The following IDO2 variants were observed in gnomAD, a reference collection of about 807,000 sequenced individuals.
IDO2 encodes the protein indoleamine 2,3-dioxygenase 2, also known as indoleamine 2,3-dioxygenase-like 1 protein.
IDO2 carries 46 observed loss-of-function variants against 45.1 expected under a neutral mutation model. The ratio of observed to expected loss-of-function variants is 1.02; its 90% CI spans 0.80 to 1.30. The LOEUF is 1.30. IDO2 is among the 50% of genes most tolerant of loss of function. The pLI is 0.00. For synonymous variants in IDO2, 218 were observed against 184.9 expected (o/e 1.18, Z -1.45); for missense variants, 544 against 491.8 (o/e 1.11, Z -1.00).
intron 2 of IDO2, among the ~76,000 whole-genome samples, chr8:39,958,966 T>C (rs1394233930): frequency 1.3e-5 from 2 of 152,234 alleles, no homozygotes; most frequent in Non-Finnish European, 2.9e-5. Flanking sequence ...GTGTGTCTTT[T>C]CAATATCATC....
intron 1 of IDO2, among the ~76,000 whole-genome samples, chr8:39,946,131 G>A (rs1160957703): frequency 2.6e-5 from 4 of 152,148 alleles, no homozygotes; most frequent in Non-Finnish European, 5.9e-5. Context: ...GAGATATTTT[G>A]CAGACCCTGT....
chr8:39,995,294 T>TCTTC (rs1802025272), intron 8 of IDO2: 2 of 87,482 alleles, frequency 2.3e-5, no homozygotes, highest in Non-Finnish European at 5.1e-5. Flanking sequence ...TCTTCTTTTT[T>TCTTC]TTTTGAGATG....
chr8:39,989,846 G>A lies in IDO2; in HGVS notation c.667+8G>A, dbSNP rs1413343512. 6.4e-7 allele frequency: 1 copy of A among 1,556,548 alleles called. No individual in the cohort carries two copies. The highest frequency in any genetic ancestry group is 2.3e-5 in the East Asian group (1 of 42,608). On this transcript the variant is annotated splice_region_variant and intron_variant, in intron 8 of 10. Coordinates refer to ENST00000502986, the Ensembl canonical transcript of IDO2. The stretch of plus-strand genomic sequence containing the variant: ...CCTTAGGACAGATGCATGGTAAGAT[G>A]CTTCCGAAGCTCCTGAAGGATCCCC...
chr8:40,003,821 T>C (rs1802175988), intron 8 of IDO2, among the ~76,000 whole-genome samples: 1 of 152,196 alleles, frequency 6.6e-6, no homozygotes, highest in African/African-American at 2.4e-5. Context: ...TGAAAAAAGA[T>C]TGCTTTTACT....
chr8:39,989,643 C>G (rs941626358), intron 7 of IDO2, 78 bp from the exon 8 acceptor site: 4 of 1,005,772 alleles, frequency 4.0e-6, no homozygotes, highest in Non-Finnish European at 5.9e-6. Context: ...CCCTGGGTTC[C>G]AACAGTATGA....
chr8:39,972,933 T>C (rs1429007814), intron 3 of IDO2, among the ~76,000 whole-genome samples: 1 of 152,216 alleles, frequency 6.6e-6, no homozygotes, highest in Non-Finnish European at 1.5e-5. Context: ...CTAGACATAA[T>C]GCTATTGCAC....
chr8:39,978,520 G>A (rs1206097408), intron 3 of IDO2, among the ~76,000 whole-genome samples: 2 of 152,034 alleles, frequency 1.3e-5, no homozygotes, highest in African/African-American at 4.8e-5. Context: ...CCCCATTATG[G>A]CAACAGGGCT....
intron 9 of IDO2, among the ~76,000 whole-genome samples, chr8:40,008,421 C>T (rs369681434): frequency 1.3e-5 from 2 of 152,270 alleles, no homozygotes; most frequent in South Asian, 2.1e-4. Flanking sequence ...AGAGAAAACT[C>T]TCTGATTTTA....
chr8:40,002,963 G>C (rs1442641241), intron 8 of IDO2, among the ~76,000 whole-genome samples: 1 of 151,870 alleles, frequency 6.6e-6, no homozygotes, highest in African/African-American at 2.4e-5. Flanking sequence ...AAAATTCCTG[G>C]GTAAACCACC....
At chr8:39,936,487 A>C (rs1262436050) in intron 1 of IDO2, among the ~76,000 whole-genome samples, 1 of 152,202 alleles carries the variant, frequency 6.6e-6, no homozygotes, top group Non-Finnish European at 1.5e-5. Context: ...AGTTTCTCAG[A>C]AAAAGAAAAA....
chr8:39,940,522 G>A (rs10958574), intron 1 of IDO2, among the ~76,000 whole-genome samples: 64,053 of 152,044 alleles, frequency 0.42, 13,681 homozygotes, highest in East Asian at 0.57. Flanking sequence ...CAATTCTGAA[G>A]AAATGTTCAT....
chr8:39,996,704 C>T (rs1193902217), intron 8 of IDO2, among the ~76,000 whole-genome samples: 2 of 152,068 alleles, frequency 1.3e-5, no homozygotes, highest in East Asian at 1.9e-4. Flanking sequence ...CATGAGCCAC[C>T]GCATCCAGCC....
At chr8:39,955,251 CTTTTTT>C (rs34726763) in intron 2 of IDO2, among the ~76,000 whole-genome samples, 1 of 97,016 alleles carries the variant, frequency 1.0e-5, no homozygotes. Context: ...TAATATTTGC[CTTTTTT>C]TTTTTTTTTT....
chr8:39,949,162 A>C, exon 2 of IDO2: 4 of 1,605,044 alleles, frequency 2.5e-6, no homozygotes, highest in Non-Finnish European at 3.4e-6. Flanking sequence ...CTTCAAACAA[A>C]ATAATGGAGC....
intron 1 of IDO2, among the ~76,000 whole-genome samples, chr8:39,942,607 TCCAGCCTG>T (rs1807660689): frequency 6.7e-6 from 1 of 149,716 alleles, no homozygotes; most frequent in African/African-American, 2.5e-5. Context: ...GCCACGGCAC[TCCAGCCTG>T]GGTGACAGAA....
At chr8:39,983,928 C>G (rs549640697) in intron 5 of IDO2, among the ~76,000 whole-genome samples, 17 of 152,158 alleles carry the variant, frequency 1.1e-4, no homozygotes, top group African/African-American at 3.9e-4. Context: ...CTCGGGAGCT[C>G]TGAGCCCTGG....
chr8:39,937,796 C>T (rs1226647536), intron 1 of IDO2, among the ~76,000 whole-genome samples: 55 of 152,138 alleles, frequency 3.6e-4, no homozygotes, highest in Admixed American at 3.6e-3. Flanking sequence ...GTTGGGATTA[C>T]AGGTGTGAGC....
intron 8 of IDO2, among the ~76,000 whole-genome samples, chr8:39,996,897 A>G (rs1281822735): frequency 3.9e-5 from 6 of 152,378 alleles, no homozygotes; most frequent in African/African-American, 1.4e-4. Flanking sequence ...TCCAATAACT[A>G]AAACTACATT....
exon 11 of IDO2, chr8:40,015,657 G>A: frequency 7.6e-7 from 1 of 1,317,192 alleles, no homozygotes; most frequent in Non-Finnish European, 1.1e-6. Flanking sequence ...GGTGGGCCTG[G>A]AGAATGAGGG....
Sources: gnomAD v4.1 joint callset for allele counts (sites outside exome capture counted in the v4.1 genomes callset) on GRCh38, gnomAD v4.1.1 for gene constraint, MANE v1.5 for transcripts, NCBI Gene and HGNC (gene_info 2026-07-23, HGNC 2026-07-21) for gene names.